The following GLP1R variants were observed in gnomAD, a reference collection of about 807,000 sequenced individuals.
GLP1R encodes glucagon-like peptide 1 receptor.
GLP1R carries 32 observed loss-of-function variants against 68.4 expected under a neutral mutation model. The observed-to-expected ratio is 0.47, with a 90% CI of 0.35 to 0.63. GLP1R has a LOEUF of 0.63. Ranked by LOEUF, GLP1R falls within the 20% of genes least tolerant of loss-of-function variation. GLP1R has a pLI of 0.00. For missense variants in GLP1R, 502 were observed against 594.9 expected (o/e 0.84, Z 1.62); for synonymous variants, 263 against 244.4 (o/e 1.08, Z -0.71).
chr6:39,072,709 G>A lies in GLP1R; in HGVS notation c.510-153G>A, dbSNP rs544935502. On this transcript the variant is annotated intron_variant, in intron 5 of 12. Coordinates refer to ENST00000373256, the MANE Select transcript of GLP1R (RefSeq NM_002062.5). ...TTGAGTTGGACAGAAGGATTTTCAC[G>A]ATGATGAGGAAGAAGGGTATTCATA... Among the ~76,000 whole-genome samples the A allele has an allele frequency of 5.3e-5, 8 of 152,312 alleles. No individual in the cohort carries two copies. In the East Asian group the frequency reaches 1.5e-3, roughly 29 times the overall value.
chr6:39,081,134 T>C (rs1769001706), intron 12 of GLP1R, among the ~76,000 whole-genome samples: 2 of 138,564 alleles, frequency 1.4e-5, no homozygotes, highest in Non-Finnish European at 3.4e-5. Context: ...GACCCCCACA[T>C]CCCTCAAAAA....
At position 39,063,331 on chromosome 6, in the gene GLP1R, A is replaced by T. The variant is rs117118673; in HGVS notation, c.284-2380A>T. On this transcript the variant is annotated intron_variant, in intron 3 of 12. Coordinates refer to ENST00000373256, the MANE Select transcript of GLP1R (RefSeq NM_002062.5). ...AGAATCTCAGGCATCCATGCAGCAG[A>T]TAAGAGAGGCATTTGTGGGCTTGAG... 2.1e-4 allele frequency among the ~76,000 whole-genome samples: 32 copies of T among 152,312 alleles called. No homozygotes were observed. In the East Asian group the frequency reaches 6.2e-3, roughly 29 times the overall value.
intron 6 of GLP1R, among the ~76,000 whole-genome samples, 190 bp from the exon 7 acceptor site, chr6:39,073,420 C>T (rs1235301867): frequency 6.6e-6 from 1 of 152,176 alleles, no homozygotes; most frequent in Non-Finnish European, 1.5e-5. Context: ...TACTTTCTTC[C>T]AATCAGGATA....
intron 7 of GLP1R, among the ~76,000 whole-genome samples, chr6:39,075,340 G>C (rs1768785409): frequency 6.6e-6 from 1 of 152,226 alleles, no homozygotes; most frequent in African/African-American, 2.4e-5. Flanking sequence ...TCTTCAGGGT[G>C]GGGGACGGTG....
At position 39,048,826 on chromosome 6, in the gene GLP1R, C is replaced by T; in HGVS notation, c.-15C>T. The T allele has an allele frequency of 2.9e-6, 4 of 1,366,832 alleles. No individual in the cohort carries two copies. Among genetic ancestry groups the T allele is most frequent in the Non-Finnish European group, 4.0e-6 (4 of 1,008,544 alleles). 84.7% of individuals were successfully genotyped at this position (1,366,832 alleles called of 1,614,324 possible). ...CCGCAGGTGGCAGCGATGGCCCAGT[C>T]CTGAACTCCCCGCCATGGCCGGCGC... On this transcript the variant is annotated 5_prime_UTR_variant, in exon 1 of 13. Transcript: ENST00000373256.
At chr6:39,084,818 G>C (rs1769104549) in intron 12 of GLP1R, among the ~76,000 whole-genome samples, 1 of 152,292 alleles carries the variant, frequency 6.6e-6, no homozygotes, top group South Asian at 2.1e-4. Context: ...CGTCTTGCTG[G>C]GCATAGCTGG....
intron 1 of GLP1R, among the ~76,000 whole-genome samples, chr6:39,052,119 G>C (rs1768102268): frequency 6.6e-6 from 1 of 152,030 alleles, no homozygotes; most frequent in Non-Finnish European, 1.5e-5. Flanking sequence ...TTGGGGGCGT[G>C]TGTGATGATG....
rs1324068233 is a variant in GLP1R, at chr6:39,088,291, C to A, written c.*2218C>A. On this transcript the variant is annotated 3_prime_UTR_variant, in exon 13 of 13. Transcript: ENST00000373256. ...TCTTTTCTTTGCTCCAACCCCCGCT[C>A]CCCCGGCCCCCCGAAGCTATTAATA... 3.3e-5 allele frequency among the ~76,000 whole-genome samples: 5 copies of A among 151,826 alleles called. No individual in the cohort carries two copies. The highest frequency in any genetic ancestry group is 7.4e-5 in the Non-Finnish European group (5 of 67,940).
chr6:39,084,405 C>G (rs1011346134), intron 12 of GLP1R, among the ~76,000 whole-genome samples: 1 of 152,096 alleles, frequency 6.6e-6, no homozygotes, highest in Non-Finnish European at 1.5e-5. Flanking sequence ...GTGTCAGCAC[C>G]CTGAGAAGTC....
chr6:39,053,409 A>G (rs1192323435), intron 1 of GLP1R, among the ~76,000 whole-genome samples: 1 of 152,246 alleles, frequency 6.6e-6, no homozygotes, highest in African/African-American at 2.4e-5. Context: ...ATTAAGCAGA[A>G]TGATTGGTCA....
chr6:39,080,805 A>G, intron 12 of GLP1R, 66 bp downstream of exon 12: 7 of 931,680 alleles, frequency 7.5e-6, no homozygotes, highest in Non-Finnish European at 9.9e-6. Context: ...CTGGAGTAGT[A>G]CAATGGGGAC....
intron 7 of GLP1R, among the ~76,000 whole-genome samples, chr6:39,074,706 C>T (rs1423536828): frequency 6.6e-6 from 1 of 152,154 alleles, no homozygotes; most frequent in Non-Finnish European, 1.5e-5. Flanking sequence ...CACATCCAGA[C>T]TCCTCTTCCC....
intron 7 of GLP1R, among the ~76,000 whole-genome samples, chr6:39,075,920 TTG>T (rs1768806806): frequency 6.6e-6 from 1 of 152,148 alleles, no homozygotes; most frequent in South Asian, 2.1e-4. Flanking sequence ...CTGGAGCCAG[TTG>T]TGTGTGTCTT....
At chr6:39,073,461 G>A in intron 6 of GLP1R, 149 bp from the exon 7 acceptor site, 1 of 657,114 alleles carries the variant, frequency 1.5e-6, no homozygotes, top group Non-Finnish European at 2.7e-6. Flanking sequence ...AGCAGATAAA[G>A]TCCTTAGCAC....
chr6:39,084,642 G>A (rs1305395735), intron 12 of GLP1R, among the ~76,000 whole-genome samples: 1 of 152,232 alleles, frequency 6.6e-6, no homozygotes, highest in Non-Finnish European at 1.5e-5. Flanking sequence ...ACAACAGGGT[G>A]GCTGTAGGTG....
Position 39,086,081 on chromosome 6 carries a change from G to A in GLP1R, c.*8G>A. 1 of 1,612,792 alleles carries A rather than the reference G, an allele frequency of 6.2e-7. No homozygotes were observed. Among genetic ancestry groups the A allele is most frequent in the Non-Finnish European group, 8.5e-7 (1 of 1,179,448 alleles). ...CAGGCCTCCTGCAGCTGAGACTCCA[G>A]CGCCTGCCCTCCCTGGGGTCCTTGC... is the stretch of plus-strand genomic sequence containing the variant. On this transcript the variant is annotated 3_prime_UTR_variant, in exon 13 of 13. Coordinates refer to ENST00000373256, the MANE Select transcript of GLP1R (RefSeq NM_002062.5). This position sits in a 1 kb window ranked among gnomAD's most constrained non-coding sequence, Gnocchi z 4.5.
chr6:39,052,845 G>A (rs1174881034), intron 1 of GLP1R, among the ~76,000 whole-genome samples: 4 of 152,170 alleles, frequency 2.6e-5, no homozygotes, highest in African/African-American at 4.8e-5. Context: ...AAGATAAATC[G>A]TGTCCCACAG....
intron 6 of GLP1R, among the ~76,000 whole-genome samples, chr6:39,073,368 T>C (rs1768725319): frequency 6.6e-6 from 1 of 152,210 alleles, no homozygotes; most frequent in Non-Finnish European, 1.5e-5. Context: ...GGCTGAGAAA[T>C]AGGTGAGAAG....
chr6:39,052,179 G>A (rs1192711242), intron 1 of GLP1R, among the ~76,000 whole-genome samples: 1 of 151,986 alleles, frequency 6.6e-6, no homozygotes, highest in East Asian at 1.9e-4. Flanking sequence ...AAGAACATGT[G>A]TGTAGTATTC....
Sources: gnomAD v4.1 joint callset for allele counts (sites outside exome capture counted in the v4.1 genomes callset) on GRCh38, gnomAD v4.1.1 for gene constraint, Gnocchi (gnomAD v3.1) non-coding constraint, MANE v1.5 for transcripts, NCBI Gene and HGNC (gene_info 2026-07-23, HGNC 2026-07-21) for gene names.